EHBP1: variants seen among roughly 807,000 people sequenced by gnomAD.
EHBP1 encodes the protein EH domain-binding protein 1.
EHBP1 carries 55 observed loss-of-function variants against 144.0 expected under a neutral mutation model. The observed-to-expected ratio is 0.38, with a 90% CI of 0.31 to 0.48. The LOEUF is 0.48. Ranked by LOEUF, EHBP1 falls within the 20% of genes least tolerant of loss-of-function variation. The pLI is 0.98. For missense variants in EHBP1, 1,200 were observed against 1,364.2 expected, an observed-to-expected ratio of 0.88 and a Z score of 1.90; for synonymous variants, 469 against 472.7, an observed-to-expected ratio of 0.99 and a Z score of 0.10.
chr2:62,990,040 T>A (rs773879160), intron 15 of EHBP1, among the ~76,000 whole-genome samples: 1 of 152,008 alleles, frequency 6.6e-6, no homozygotes, highest in African/African-American at 2.4e-5. Flanking sequence ...TATTGAGGAG[T>A]TGCCTTTTAT....
chr2:62,772,336 A>G (rs1227414814), intron 5 of EHBP1, among the ~76,000 whole-genome samples: 1 of 152,194 alleles, frequency 6.6e-6, no homozygotes, highest in Non-Finnish European at 1.5e-5. Context: ...GTGGAATCCC[A>G]AGTGACTAGA....
intron 7 of EHBP1, among the ~76,000 whole-genome samples, chr2:62,840,049 G>T (rs2047669998): frequency 6.6e-6 from 1 of 152,010 alleles, no homozygotes; most frequent in Non-Finnish European, 1.5e-5. Flanking sequence ...TAAGCCAAAA[G>T]AACAAAGCTG....
At chr2:62,884,534 G>A (rs1451822240) in intron 10 of EHBP1, among the ~76,000 whole-genome samples, 2 of 152,056 alleles carry the variant, frequency 1.3e-5, no homozygotes, top group Non-Finnish European at 2.9e-5. Context: ...CATTTCTACT[G>A]TGCAAATCCA....
chr2:62,717,488 G>T (rs1476961080), intron 2 of EHBP1, among the ~76,000 whole-genome samples: 1 of 152,176 alleles, frequency 6.6e-6, no homozygotes, highest in African/African-American at 2.4e-5. Context: ...TTGCACATTT[G>T]TTAAAAGGAG....
At position 62,695,417 on chromosome 2, in the gene EHBP1, G is replaced by A. The variant is rs375566521; in HGVS notation, c.-295-11480G>A. ...AATGAAAACTCATCCTTCTGTTTATGTTACAAAATTCAGAAGACATTCTAG... is the reference window on the plus strand; with the variant it reads ...AATGAAAACTCATCCTTCTGTTTATATTACAAAATTCAGAAGACATTCTAG... On this transcript the variant is annotated intron_variant, in intron 1 of 22. Coordinates refer to the EHBP1 transcript ENST00000405015. Among the ~76,000 whole-genome samples, 4 of 152,142 alleles carry A rather than the reference G, an allele frequency of 2.6e-5. No individual in the cohort carries two copies. The South Asian group carries it at 8.3e-4, about 32-fold the overall frequency.
chr2:62,915,707 AT>A (rs1182816040), intron 10 of EHBP1, among the ~76,000 whole-genome samples: 8 of 127,304 alleles, frequency 6.3e-5, no homozygotes, highest in African/African-American at 2.3e-4. Context: ...ATGTTTAAGG[AT>A]TTAAAAAAAA....
intron 19 of EHBP1, among the ~76,000 whole-genome samples, chr2:63,036,841 G>T (rs1398342676): frequency 6.6e-6 from 1 of 151,828 alleles, no homozygotes; most frequent in African/African-American, 2.4e-5. Flanking sequence ...TAGCGATGGA[G>T]AATTTTAAGT....
intron 14 of EHBP1, among the ~76,000 whole-genome samples, chr2:62,962,847 A>G (rs2058064835): frequency 6.6e-6 from 1 of 152,222 alleles, no homozygotes; most frequent in Non-Finnish European, 1.5e-5. Flanking sequence ...GCGTTTTAGA[A>G]AGAACTATCA....
chr2:62,956,159 A>C (rs550492502), intron 14 of EHBP1: 1 of 152,400 alleles, frequency 6.6e-6, no homozygotes, highest in East Asian at 1.9e-4. Flanking sequence ...TTTGAACCTG[A>C]GCCTTATTAG....
chr2:62,819,441 A>G (rs1019301136), intron 5 of EHBP1, among the ~76,000 whole-genome samples: 6 of 152,172 alleles, frequency 3.9e-5, no homozygotes, highest in African/African-American at 1.4e-4. Flanking sequence ...GTGTAAAAAT[A>G]TTTGTAACAG....
chr2:62,820,649 G>T (rs990513559), intron 5 of EHBP1, among the ~76,000 whole-genome samples: 3 of 146,776 alleles, frequency 2.0e-5, no homozygotes, highest in African/African-American at 7.6e-5. Flanking sequence ...TGTCATCAAG[G>T]TTCATCTATA....
chr2:62,688,948 G>A (rs2033812303), intron 1 of EHBP1, among the ~76,000 whole-genome samples: 1 of 152,158 alleles, frequency 6.6e-6, no homozygotes, highest in Admixed American at 6.5e-5. Flanking sequence ...TTCATGAAGG[G>A]TCCTGGTATG....
At chr2:62,727,575 G>T (rs189428403) in intron 2 of EHBP1, among the ~76,000 whole-genome samples, 1 of 152,032 alleles carries the variant, frequency 6.6e-6, no homozygotes, top group African/African-American at 2.4e-5. Context: ...TTTGTGACTG[G>T]CTTCTTTCAC....
intron 5 of EHBP1, among the ~76,000 whole-genome samples, chr2:62,804,079 C>T (rs969760115): frequency 6.6e-6 from 1 of 152,138 alleles, no homozygotes; most frequent in African/African-American, 2.4e-5. Flanking sequence ...GTTATTTCTT[C>T]TGGTTTTATG....
chr2:63,042,704 CCT>C (rs1373611887), intron 21 of EHBP1, among the ~76,000 whole-genome samples: 1 of 151,660 alleles, frequency 6.6e-6, no homozygotes, highest in Non-Finnish European at 1.5e-5. Context: ...TCTTTAATGT[CCT>C]CTCTTATCCA....
At chr2:62,848,954 G>A (rs1412830203) in intron 7 of EHBP1, among the ~76,000 whole-genome samples, 1 of 152,128 alleles carries the variant, frequency 6.6e-6, no homozygotes, top group Non-Finnish European at 1.5e-5. Context: ...AAATATATTA[G>A]GTTTGTAAGA....
intron 1 of EHBP1, among the ~76,000 whole-genome samples, chr2:62,685,556 G>A (rs181723): frequency 0.17 from 26,586 of 152,010 alleles, 2,459 homozygotes; most frequent in Middle Eastern, 0.24. Flanking sequence ...GGGTCCACCT[G>A]CCGACCTCAT....
upstream of EHBP1, among the ~76,000 whole-genome samples, chr2:62,702,119 A>C (rs1443501454): frequency 1.3e-5 from 2 of 152,226 alleles, no homozygotes; most frequent in Non-Finnish European, 2.9e-5. Context: ...GTGACTAAAA[A>C]AGCTGTTTCA....
intron 5 of EHBP1, among the ~76,000 whole-genome samples, chr2:62,793,331 G>T (rs1388494288): frequency 6.6e-6 from 1 of 151,984 alleles, no homozygotes; most frequent in East Asian, 1.9e-4. Context: ...GCTTTGAGGG[G>T]ACCTCCATTT....
Sources: gnomAD v4.1 joint callset for allele counts (sites outside exome capture counted in the v4.1 genomes callset) on GRCh38, gnomAD v4.1.1 for gene constraint, MANE v1.5 for transcripts, NCBI Gene and HGNC (gene_info 2026-07-23, HGNC 2026-07-21) for gene names.